Variants in NXPE2 observed in about 807,000 individuals in gnomAD.
The protein encoded by NXPE2 is NXPE family member 2.
A neutral mutation model predicts 34.4 loss-of-function variants in NXPE2; 34 were observed. The ratio of observed to expected loss-of-function variants is 0.99; its 90% CI spans 0.75 to 1.31. The LOEUF (loss-of-function observed/expected upper bound fraction) is 1.31, where lower values mean the gene tolerates loss of function less well. Among genes scored for constraint, NXPE2 ranks in the 40% most tolerant of loss-of-function variants. The pLI, the probability that NXPE2 is intolerant of heterozygous loss-of-function variation, is 0.00. For synonymous variants in NXPE2, 235 were observed against 231.3 expected (o/e 1.02, Z -0.15); for missense variants, 649 against 672.5 (o/e 0.97, Z 0.39).
chr11:114,590,390 C>G, the NXPE2 span, among the ~76,000 whole-genome samples: 2 of 152,168 alleles, frequency 1.3e-5, no homozygotes, highest in African/African-American at 4.8e-5. Context: ...CTCCTTCCCC[C>G]TCCCTAAAAT....
upstream of NXPE2, among the ~76,000 whole-genome samples, chr11:114,673,643 T>G (rs943900593): frequency 2.6e-5 from 4 of 151,698 alleles, no homozygotes; most frequent in Non-Finnish European, 5.9e-5. Flanking sequence ...AAAAAATCCC[T>G]ATTGTGAAAG....
chr11:114,651,330 C>T, the NXPE2 span, among the ~76,000 whole-genome samples: 4 of 151,084 alleles, frequency 2.6e-5, no homozygotes, highest in African/African-American at 7.3e-5. Flanking sequence ...TGTTACAGCT[C>T]GTTAAGGTGG....
Position 114,679,686 on chromosome 11 carries a change from C to A in NXPE2, c.56C>A (p.Ala19Asp), listed in dbSNP as rs1230456189. Residue 19 changes from alanine to aspartate, a missense_variant, in exon 2 of 6, where the codon GCT (alanine) becomes GAT (aspartate). Coordinates refer to ENST00000389586, the MANE Select transcript of NXPE2 (RefSeq NM_182495.6). ...RILTLFPNAIARKLLLMLTFI... is the reference protein window; with the variant it reads ...RILTLFPNAIDRKLLLMLTFI... ...CTCACTTTGTTTCCAAATGCCATAG[C>A]TCGAAAATTACTGCTGATGTTGACA... is the stretch of plus-strand genomic sequence containing the variant. The A allele has an allele frequency of 6.5e-7, 1 of 1,549,836 alleles. No individual in the cohort carries two copies. Among genetic ancestry groups the A allele is most frequent in the Admixed American group, 2.0e-5 (1 of 50,950 alleles).
chr11:114,522,043 A>C, the NXPE2 span: 1 of 1,613,832 alleles, frequency 6.2e-7, no homozygotes. Flanking sequence ...TGTCAGTGCC[A>C]TATGCAATGG....
the NXPE2 span, among the ~76,000 whole-genome samples, chr11:114,610,069 T>A: frequency 2.0e-5 from 3 of 151,778 alleles, no homozygotes; most frequent in Non-Finnish European, 4.4e-5. Flanking sequence ...TCTTGCCTCA[T>A]GGGTAACCAC....
rs1250159645 is a variant in NXPE2, at chr11:114,698,085, G to A, written c.173G>A (p.Gly58Glu). 1 of 1,595,980 alleles carries A rather than the reference G, an allele frequency of 6.3e-7. No individual in the cohort carries two copies. The highest frequency in any genetic ancestry group is 1.7e-5 in the Admixed American group (1 of 57,492). Residue 58 changes from glycine to glutamate, a missense_variant, in exon 3 of 6, where the codon GGG becomes GAG. Physicochemically the swap from Gly to Glu is moderately conservative, Grantham distance 98 (BLOSUM62 -2). Coordinates refer to ENST00000389586, the MANE Select transcript of NXPE2 (RefSeq NM_182495.6). Reference sequence around the variant, plus strand: ...GAAAACCATATTATCCTGAACCAAGGGAACATCTTCAAAAAATATTCACAC... The same window carrying A: ...GAAAACCATATTATCCTGAACCAAGAGAACATCTTCAAAAAATATTCACAC... ...NLENHIILNQ[G>E]NIFKKYSHSE...
the NXPE2 span, chr11:114,584,223 G>T: frequency 2.5e-6 from 1 of 404,252 alleles, no homozygotes. Flanking sequence ...TGGATATGGA[G>T]ATCCCTAATG....
the NXPE2 span, among the ~76,000 whole-genome samples, chr11:114,652,100 A>G: frequency 6.6e-6 from 1 of 152,122 alleles, no homozygotes; most frequent in Non-Finnish European, 1.5e-5. Context: ...ATTTTTTTTT[A>G]ATCTACTGCC....
intron 4 of NXPE2, among the ~76,000 whole-genome samples, chr11:114,704,511 T>C (rs1951435846): frequency 6.6e-6 from 1 of 152,222 alleles, no homozygotes; most frequent in East Asian, 1.9e-4. Flanking sequence ...CTCAGTTTAA[T>C]CATATGAACT....
At chr11:114,750,322 AGT>A in the NXPE2 span, among the ~76,000 whole-genome samples, 20 of 152,194 alleles carry the variant, frequency 1.3e-4, no homozygotes, top group Non-Finnish European at 2.9e-4. Context: ...TCTGCGGACA[AGT>A]TTTACCCTTA....
the NXPE2 span, among the ~76,000 whole-genome samples, chr11:114,666,836 G>A: frequency 0.014 from 2,070 of 152,076 alleles, 32 homozygotes; most frequent in African/African-American, 0.047. Flanking sequence ...TCTTATTTCA[G>A]TCATAATGGA....
chr11:114,721,090 A>G, the NXPE2 span, among the ~76,000 whole-genome samples: 1 of 151,710 alleles, frequency 6.6e-6, no homozygotes, highest in African/African-American at 2.4e-5. Context: ...CCTTTCCCCC[A>G]GGAGTTCTCT....
At chr11:114,660,456 A>G in the NXPE2 span, among the ~76,000 whole-genome samples, 3 of 152,050 alleles carry the variant, frequency 2.0e-5, no homozygotes, top group African/African-American at 7.2e-5. Flanking sequence ...CTTGTTCATC[A>G]TTTGAAGATC....
chr11:114,676,109 G>A (rs1179461971), upstream of NXPE2, among the ~76,000 whole-genome samples: 1 of 151,846 alleles, frequency 6.6e-6, no homozygotes, highest in Non-Finnish European at 1.5e-5. Flanking sequence ...ACTGAAAATG[G>A]ATTAAAGACT....
chr11:114,714,413 C>A, the NXPE2 span, among the ~76,000 whole-genome samples: 12 of 152,166 alleles, frequency 7.9e-5, no homozygotes, highest in African/African-American at 2.7e-4. Flanking sequence ...TGGCTTTAGT[C>A]CTCTATAGGC....
the NXPE2 span, among the ~76,000 whole-genome samples, chr11:114,808,811 G>A: frequency 1.3e-4 from 20 of 152,130 alleles, no homozygotes; most frequent in African/African-American, 4.6e-4. Flanking sequence ...CCAATCAACA[G>A]AAAAAGAGGG....
chr11:114,598,255 C>T, the NXPE2 span, among the ~76,000 whole-genome samples: 1 of 34,838 alleles, frequency 2.9e-5, no homozygotes, highest in South Asian at 1.2e-3. Context: ...AAGGGGTGGG[C>T]TCCCAAGGAC....
the NXPE2 span, among the ~76,000 whole-genome samples, chr11:114,560,270 T>C: frequency 7.6e-6 from 1 of 131,894 alleles, no homozygotes; most frequent in Admixed American, 7.4e-5. Flanking sequence ...ATTCTTTTTT[T>C]TTCTTTTTTT....
the NXPE2 span, among the ~76,000 whole-genome samples, chr11:114,648,799 C>T: frequency 1.3e-5 from 2 of 152,156 alleles, no homozygotes; most frequent in African/African-American, 4.8e-5. Context: ...GTGATGTTTA[C>T]TCTTCTTGAT....
Sources: gnomAD v4.1 joint callset for allele counts (sites outside exome capture counted in the v4.1 genomes callset) on GRCh38, gnomAD v4.1.1 for gene constraint, MANE v1.5 for transcripts, NCBI Gene and HGNC (gene_info 2026-07-23, HGNC 2026-07-21) for gene names.